Variants in IQSEC1 observed in about 807,000 individuals in gnomAD.
The protein encoded by IQSEC1 is IQ motif and SEC7 domain-containing protein 1.
In IQSEC1, 31 loss-of-function variants were observed where a neutral mutation model predicts 91.0. That is an observed-to-expected ratio of 0.34 (90% CI 0.26 to 0.46). IQSEC1 has a LOEUF of 0.46. IQSEC1 is among the 20% of genes least tolerant of loss of function. The probability of loss-of-function intolerance (pLI) is 1.00; values close to 1 mark genes in which losing one functional copy is unlikely to be tolerated. For missense variants in IQSEC1, 1,388 were observed against 1,575.6 expected (o/e 0.88, Z 2.02); for synonymous variants, 699 against 662.6 (o/e 1.05, Z -0.84).
chr3:13,212,837 C>T (rs1246435910), intron 1 of IQSEC1, among the ~76,000 whole-genome samples: 1 of 152,192 alleles, frequency 6.6e-6, no homozygotes, highest in Non-Finnish European at 1.5e-5. Flanking sequence ...ATGTCTATTC[C>T]AGTCCTTGGC....
At chr3:13,138,696 A>T (rs75723805) in intron 2 of IQSEC1, among the ~76,000 whole-genome samples, 1 of 152,052 alleles carries the variant, frequency 6.6e-6, no homozygotes, top group African/African-American at 2.4e-5. Context: ...GACCTTGTGC[A>T]GCTGGTCACC....
intron 1 of IQSEC1, 145 bp downstream of exon 1, chr3:13,072,847 A>T: frequency 1.4e-6 from 1 of 690,418 alleles, no homozygotes; most frequent in South Asian, 1.7e-5. Flanking sequence ...GAGCGCCGGC[A>T]TCCCTGCTGG....
intron 1 of IQSEC1, among the ~76,000 whole-genome samples, chr3:13,178,051 T>C (rs976553016): frequency 2.0e-5 from 3 of 152,208 alleles, no homozygotes; most frequent in African/African-American, 7.2e-5. Flanking sequence ...CTGAACACAC[T>C]GAGATACCTG....
At chr3:13,015,983 C>T (rs9868215) in intron 1 of IQSEC1, among the ~76,000 whole-genome samples, 19,397 of 152,200 alleles carry the variant, frequency 0.13, 1,459 homozygotes, top group African/African-American at 0.21. Flanking sequence ...GCCACATGGG[C>T]ACTGCACTGT....
chr3:13,214,400 C>T lies in IQSEC1; in HGVS notation c.273-50267G>A, dbSNP rs906238907. ...CCCACAGCCAGCACAGGCAGGCACA[C>T]GGCAGGGCTGCAGCAAGCTCGAGCC... On this transcript the variant is annotated intron_variant, in intron 1 of 15. Coordinates refer to the IQSEC1 transcript ENST00000648114. The surrounding 1 kb of genome is among the most constrained non-coding windows in gnomAD (Gnocchi z 4.5). Among the ~76,000 whole-genome samples the T allele has an allele frequency of 2.0e-5, 3 of 152,256 alleles. No individual in the cohort carries two copies. The highest frequency in any genetic ancestry group is 4.4e-5 in the Non-Finnish European group (3 of 68,040).
At chr3:13,124,199 G>A (rs375155691) in intron 2 of IQSEC1, among the ~76,000 whole-genome samples, 1 of 152,184 alleles carries the variant, frequency 6.6e-6, no homozygotes, top group East Asian at 1.9e-4. Context: ...GGCAGTGACT[G>A]CAGAGCATCA....
chr3:13,161,068 G>T (rs1035318706), intron 2 of IQSEC1, among the ~76,000 whole-genome samples: 1 of 152,234 alleles, frequency 6.6e-6, no homozygotes, highest in Non-Finnish European at 1.5e-5. Context: ...GGATCTTCGG[G>T]GGGTGGAGTG....
intron 1 of IQSEC1, among the ~76,000 whole-genome samples, chr3:12,961,996 G>A (rs1700267074): frequency 1.3e-5 from 2 of 152,204 alleles, no homozygotes; most frequent in African/African-American, 4.8e-5. Context: ...TAAACATCCT[G>A]CATCTGCAAA....
chr3:13,203,642 G>A (rs2125052363), intron 1 of IQSEC1, among the ~76,000 whole-genome samples: 1 of 152,302 alleles, frequency 6.6e-6, no homozygotes, highest in East Asian at 1.9e-4. Flanking sequence ...TGCGCTTGCA[G>A]TACCCTTAGT....
chr3:12,911,827 G>T, intron 9 of IQSEC1, 99 bp from the exon 10 acceptor site: 1 of 819,700 alleles, frequency 1.2e-6, no homozygotes, highest in South Asian at 1.4e-5. Context: ...TCAAAGTCAG[G>T]AGGACAGGGA....
chr3:12,920,567 AC>A lies in IQSEC1; in HGVS notation c.1882del (p.Val628TrpfsTer21). On this transcript the variant is annotated frameshift_variant, in exon 6 of 14. Transcript: ENST00000613206. LOFTEE classifies it high-confidence loss of function. ...GTCTGGGTTCCGGAATTGCCGCACC[AC>A]CCCAGGGTTGCAGATGCAGTAGCGC... ...SQRYCICNPG[V>X]VRQFRNPDTI... The A allele has an allele frequency of 6.2e-7, 1 of 1,613,970 alleles. No individual in the cohort carries two copies. Among genetic ancestry groups the A allele is most frequent in the Non-Finnish European group, 8.5e-7 (1 of 1,180,012 alleles).
chr3:13,270,129 A>G (rs533415027), intron 1 of IQSEC1, among the ~76,000 whole-genome samples: 13 of 152,342 alleles, frequency 8.5e-5, no homozygotes, highest in African/African-American at 3.1e-4. Flanking sequence ...AGATCAGCCA[A>G]TCATGCAGCT....
In IQSEC1 at chr3:12,967,699, G is replaced by A. The variant is rs1241478480; in HGVS notation, c.24-25834C>T. 3 of 1,139,878 alleles carry A rather than the reference G, an allele frequency of 2.6e-6. No individual in the cohort carries two copies. Among genetic ancestry groups the A allele is most frequent in the East Asian group, 4.5e-5 (1 of 22,428 alleles). The allele number at this position is 1,139,878 out of a possible 1,614,324, so 70.6% of individuals were successfully genotyped here. A position where few individuals can be genotyped will look rare whatever the true frequency, so the allele number is the denominator to read the frequency against. On this transcript the variant is annotated intron_variant, in intron 1 of 13. Coordinates refer to ENST00000613206, the MANE Select transcript of IQSEC1 (RefSeq NM_001134382.3). The surrounding 1 kb of genome is among the most constrained non-coding windows in gnomAD (Gnocchi z 5.9). ...CGCCGCCGCCCGCTTGGCGCAGCGC[G>A]AGGCCGGGCCGGAGGAATGTGGCCC... is the stretch of plus-strand genomic sequence containing the variant.
chr3:12,957,267 C>T (rs1167927671), intron 1 of IQSEC1, among the ~76,000 whole-genome samples: 1 of 152,216 alleles, frequency 6.6e-6, no homozygotes, highest in African/African-American at 2.4e-5. Context: ...ACCTTCTCCC[C>T]TTGTTCCTTT....
intron 5 of IQSEC1, among the ~76,000 whole-genome samples, chr3:12,921,498 G>A (rs547975847): frequency 6.6e-6 from 1 of 152,370 alleles, no homozygotes; most frequent in Non-Finnish European, 1.5e-5. Context: ...CGTAGTGACC[G>A]CGAGCTCACT....
chr3:13,066,694 C>T (rs1244936163), intron 1 of IQSEC1, among the ~76,000 whole-genome samples: 3 of 152,312 alleles, frequency 2.0e-5, no homozygotes, highest in Middle Eastern at 3.4e-3. Flanking sequence ...GAAGGGGCGC[C>T]CACTGCCCCA....
chr3:13,215,351 C>T (rs1694523666), intron 1 of IQSEC1, among the ~76,000 whole-genome samples: 1 of 151,434 alleles, frequency 6.6e-6, no homozygotes, highest in African/African-American at 2.4e-5. Context: ...CAGCCTACAA[C>T]CAAAGTACCT....
intron 1 of IQSEC1, among the ~76,000 whole-genome samples, chr3:13,070,856 C>T (rs1203389595): frequency 1.3e-5 from 2 of 152,336 alleles, no homozygotes; most frequent in Admixed American, 6.5e-5. Flanking sequence ...GAGCTTATTC[C>T]AGGAATCAGC....
chr3:13,215,825 G>A (rs1056454169), intron 1 of IQSEC1, among the ~76,000 whole-genome samples: 17 of 152,318 alleles, frequency 1.1e-4, no homozygotes, highest in Admixed American at 5.2e-4. Context: ...AGGAGAGCCC[G>A]TTTCTCAAAC....
Sources: allele counts gnomAD v4.1 joint callset (sites outside exome capture counted in the v4.1 genomes callset), GRCh38; gene constraint gnomAD v4.1.1; non-coding constraint Gnocchi (gnomAD v3.1); transcripts MANE v1.5; gene names NCBI Gene and HGNC (gene_info 2026-07-23, HGNC 2026-07-21).